KIF13A: variants seen among roughly 807,000 people sequenced by gnomAD.
KIF13A encodes the protein kinesin-like protein KIF13A.
KIF13A carries 79 observed loss-of-function variants against 212.2 expected under a neutral mutation model. The observed-to-expected ratio is 0.37, with a 90% CI of 0.31 to 0.45. KIF13A has a LOEUF of 0.45. KIF13A is among the 20% of genes least tolerant of loss of function. The pLI is 1.00. For synonymous variants in KIF13A, 789 were observed against 808.6 expected (o/e 0.98, Z 0.41); for missense variants, 1,901 against 2,209.0 (o/e 0.86, Z 2.79).
At chr6:17,821,552 G>GGTGTGTGTGTGTGTGTGTGTTTGTGTGT (rs1764436351) in intron 16 of KIF13A, among the ~76,000 whole-genome samples, 1 of 112,012 alleles carries the variant, frequency 8.9e-6, no homozygotes, top group Non-Finnish European at 1.9e-5. Context: ...ATTGGGACAT[G>GGTGTGTGTGTGTGTGTGTGTTTGTGTGT]GTGTGTGTGT....
chr6:17,869,006 A>C (rs1447296358), intron 4 of KIF13A, among the ~76,000 whole-genome samples: 5 of 148,832 alleles, frequency 3.4e-5, no homozygotes, highest in Admixed American at 6.7e-5. Flanking sequence ...AAAAAAAAAA[A>C]AAAAAAAAAA....
At chr6:17,788,687 G>A (rs1581925040) in intron 26 of KIF13A, among the ~76,000 whole-genome samples, 1 of 152,120 alleles carries the variant, frequency 6.6e-6, no homozygotes, top group Non-Finnish European at 1.5e-5. Context: ...ATCAAGAATA[G>A]AGCCCTTGGA....
chr6:17,774,748 G>A (rs996340657), intron 35 of KIF13A, among the ~76,000 whole-genome samples: 42 of 151,370 alleles, frequency 2.8e-4, no homozygotes, highest in African/African-American at 8.8e-4. Flanking sequence ...ACTCCAGCCT[G>A]GGTAACAAGA....
At chr6:17,974,431 G>C (rs979115944) in intron 2 of KIF13A, among the ~76,000 whole-genome samples, 12 of 152,168 alleles carry the variant, frequency 7.9e-5, no homozygotes, top group Admixed American at 7.2e-4. Flanking sequence ...CCACACATGA[G>C]AATCAACAGC....
chr6:17,832,299 C>T (rs866646152), intron 12 of KIF13A, among the ~76,000 whole-genome samples: 1 of 152,048 alleles, frequency 6.6e-6, no homozygotes. Context: ...AAAATATAAA[C>T]ATACAGCATT....
At position 17,895,135 on chromosome 6, in the gene KIF13A, C is replaced by A. The variant is rs1772447418; in HGVS notation, c.159+3033G>T. Among the ~76,000 whole-genome samples the A allele has an allele frequency of 6.6e-6, 1 of 152,146 alleles. No homozygotes were observed. The highest frequency in any genetic ancestry group is 6.5e-5 in the Admixed American group (1 of 15,274). On this transcript the variant is annotated intron_variant, in intron 3 of 38. Coordinates refer to ENST00000259711, the MANE Select transcript of KIF13A (RefSeq NM_022113.6). This position sits in a 1 kb window ranked among gnomAD's most constrained non-coding sequence, Gnocchi z 4.4. The stretch of plus-strand genomic sequence containing the variant: ...TGGGTTATTTTCCAAATCAGTTATG[C>A]CACTTTCTATAGCTTCTAGTTCTCT...
intron 2 of KIF13A, among the ~76,000 whole-genome samples, chr6:17,949,382 T>C (rs1026092458): frequency 6.6e-6 from 1 of 152,154 alleles, no homozygotes; most frequent in African/African-American, 2.4e-5. Flanking sequence ...AAAGACACCA[T>C]CAACATTTTA....
chr6:17,845,590 A>G (rs1321897384), intron 9 of KIF13A, among the ~76,000 whole-genome samples: 1 of 152,234 alleles, frequency 6.6e-6, no homozygotes, highest in Non-Finnish European at 1.5e-5. Context: ...AACCATTTTC[A>G]GTGTCTGGGG....
intron 2 of KIF13A, among the ~76,000 whole-genome samples, chr6:17,920,302 C>T (rs888426750): frequency 3.3e-5 from 5 of 152,100 alleles, no homozygotes; most frequent in African/African-American, 9.7e-5. Flanking sequence ...TTCACTTCTC[C>T]CCCACTTACC....
chr6:17,981,796 G>A (rs556396838), intron 2 of KIF13A, among the ~76,000 whole-genome samples: 2 of 152,190 alleles, frequency 1.3e-5, no homozygotes, highest in African/African-American at 4.8e-5. Flanking sequence ...ACACAGAAAA[G>A]AGAATTCAAA....
Position 17,973,257 on chromosome 6 carries a change from C to T in KIF13A, c.146+13797G>A, listed in dbSNP as rs534721979. 2.6e-5 allele frequency among the ~76,000 whole-genome samples: 4 copies of T among 152,308 alleles called. No homozygotes were observed. In the South Asian group the frequency reaches 8.3e-4, roughly 32 times the overall value. ...AAATCACTGGATCCCACAAAGAACA[C>T]AACTATATAAGATGACTACTAATTA... On this transcript the variant is annotated intron_variant, in intron 2 of 38. Coordinates refer to ENST00000259711, the MANE Select transcript of KIF13A (RefSeq NM_022113.6).
At chr6:17,985,905 G>C (rs1781513973) in intron 2 of KIF13A, among the ~76,000 whole-genome samples, 1 of 152,138 alleles carries the variant, frequency 6.6e-6, no homozygotes, top group East Asian at 1.9e-4. Flanking sequence ...CAGAATGTTT[G>C]CAAACTGGAT....
intron 29 of KIF13A, among the ~76,000 whole-genome samples, chr6:17,782,126 G>A (rs1312260513): frequency 6.6e-5 from 10 of 151,404 alleles, no homozygotes; most frequent in South Asian, 2.1e-4. Context: ...TAGTACAGAC[G>A]GGGTTTCACC....
chr6:17,986,998 T>C lies in KIF13A; in HGVS notation c.146+56A>G, dbSNP rs3734237. On this transcript the variant is annotated intron_variant, in intron 2 of 38. Transcript: ENST00000259711. Reference sequence around the variant, plus strand: ...GCACTCCCATTTTCCTGGCTCAAACTTGCGGGACCCCGCGAGGCTGGATCC... The same window carrying C: ...GCACTCCCATTTTCCTGGCTCAAACCTGCGGGACCCCGCGAGGCTGGATCC... 109,943 of 1,350,374 alleles carry C rather than the reference T, an allele frequency of 0.081. 5,362 individuals carry two copies. Among genetic ancestry groups the C allele is most frequent in the East Asian group, 0.16 (6,751 of 43,092 alleles). 83.6% of individuals were successfully genotyped at this position (1,350,374 alleles called of 1,614,324 possible). A position where few individuals can be genotyped will look rare whatever the true frequency, so the allele number is the denominator to read the frequency against.
chr6:17,793,315 C>A (rs952928813), intron 25 of KIF13A, among the ~76,000 whole-genome samples: 5 of 151,968 alleles, frequency 3.3e-5, no homozygotes, highest in Admixed American at 6.6e-5. Flanking sequence ...CTCCTGGGCT[C>A]AAGTGATCCT....
chr6:17,826,848 G>A lies in KIF13A; in HGVS notation c.1533-724C>T. On this transcript the variant is annotated intron_variant, in intron 14 of 38. Coordinates refer to ENST00000259711, the MANE Select transcript of KIF13A (RefSeq NM_022113.6). This position sits in a 1 kb window ranked among gnomAD's most constrained non-coding sequence, Gnocchi z 4.7. ...TATTTAAGAATCTTCATCTTTTAGA[G>A]AGACATAGTGAGATATTTATAGATA... 6.6e-6 allele frequency among the ~76,000 whole-genome samples: 1 copy of A among 151,910 alleles called. No individual in the cohort carries two copies. The highest frequency in any genetic ancestry group is 1.5e-5 in the Non-Finnish European group (1 of 68,022).
At position 17,886,780 on chromosome 6, in the gene KIF13A, C is replaced by T. The variant is rs2150461490; in HGVS notation, c.159+11388G>A. 6.6e-6 allele frequency among the ~76,000 whole-genome samples: 1 copy of T among 151,990 alleles called. No individual in the cohort carries two copies. The highest frequency in any genetic ancestry group is 1.9e-4 in the East Asian group (1 of 5,168). ...TCATGCCATTGCACTCCAGCCTGGG[C>T]AACAAGGGCGAAACTCCATCTCAAA... On this transcript the variant is annotated intron_variant, in intron 3 of 38. Transcript: ENST00000259711. The surrounding 1 kb of genome is among the most constrained non-coding windows in gnomAD (Gnocchi z 5.6).
At chr6:17,820,545 C>T (rs944858505) in intron 16 of KIF13A, among the ~76,000 whole-genome samples, 1 of 152,172 alleles carries the variant, frequency 6.6e-6, no homozygotes, top group African/African-American at 2.4e-5. Flanking sequence ...TGGCCCAGGA[C>T]GGAAGCCAAA....
At position 17,872,653 on chromosome 6, in the gene KIF13A, T is replaced by A. The variant is rs998424323; in HGVS notation, c.220+724A>T. Among the ~76,000 whole-genome samples the A allele has an allele frequency of 7.2e-5, 11 of 152,220 alleles. No individual in the cohort carries two copies. The highest frequency in any genetic ancestry group is 1.9e-4 in the African/African-American group (8 of 41,452). ...GCCAGTTAGAAAAATAATTTTTTTT[T>A]ATTTTTTTGAGACAGAGTCTCACTC... On this transcript the variant is annotated intron_variant, in intron 4 of 38. Coordinates refer to ENST00000259711, the MANE Select transcript of KIF13A (RefSeq NM_022113.6). This position sits in a 1 kb window ranked among gnomAD's most constrained non-coding sequence, Gnocchi z 4.7.
Sources: allele counts gnomAD v4.1 joint callset (sites outside exome capture counted in the v4.1 genomes callset), GRCh38; gene constraint gnomAD v4.1.1; non-coding constraint Gnocchi (gnomAD v3.1); transcripts MANE v1.5; gene names NCBI Gene and HGNC (gene_info 2026-07-23, HGNC 2026-07-21).